Variants in EXT1 observed in about 807,000 individuals in gnomAD.
EXT1 encodes exostosin glycosyltransferase 1.
EXT1 carries 20 observed loss-of-function variants against 82.5 expected under a neutral mutation model. The ratio of observed to expected loss-of-function variants is 0.24; its 90% CI spans 0.17 to 0.35. The LOEUF (loss-of-function observed/expected upper bound fraction) is 0.35, where lower values mean the gene tolerates loss of function less well. EXT1 is among the 10% of genes least tolerant of loss of function. The pLI, the probability that EXT1 is intolerant of heterozygous loss-of-function variation, is 1.00. For synonymous variants in EXT1, 348 were observed against 350.8 expected, an observed-to-expected ratio of 0.99 and a Z score of 0.09; for missense variants, 757 against 936.5, an observed-to-expected ratio of 0.81 and a Z score of 2.50.
At chr8:118,041,736 C>T (rs1296246195) in intron 1 of EXT1, among the ~76,000 whole-genome samples, 2 of 144,004 alleles carry the variant, frequency 1.4e-5, no homozygotes, top group East Asian at 2.1e-4. Context: ...AAAGGGAGGT[C>T]AAGAGTTTGA....
At chr8:118,010,371 C>CA (rs56865464) in intron 1 of EXT1, among the ~76,000 whole-genome samples, 6,678 of 55,746 alleles carry the variant, frequency 0.12, 548 homozygotes, top group African/African-American at 0.24. Context: ...GACTCCGTCT[C>CA]AAAAAAAAAA....
intron 1 of EXT1, among the ~76,000 whole-genome samples, chr8:117,993,540 T>A (rs1815477161): frequency 6.6e-6 from 1 of 152,226 alleles, no homozygotes; most frequent in Non-Finnish European, 1.5e-5. Context: ...AAGTTTATCA[T>A]CTATTGTAGC....
At chr8:117,816,096 C>T (rs924281518) in intron 7 of EXT1, among the ~76,000 whole-genome samples, 3 of 151,940 alleles carry the variant, frequency 2.0e-5, no homozygotes, top group Admixed American at 6.6e-5. Context: ...ATTGAGTATC[C>T]ACAGTGCGCC....
chr8:118,075,572 T>C (rs186500228), intron 1 of EXT1, among the ~76,000 whole-genome samples: 2 of 152,310 alleles, frequency 1.3e-5, no homozygotes, highest in African/African-American at 4.8e-5. Context: ...GGTTTTTTTG[T>C]TTTATAGTTT....
chr8:118,006,683 A>G (rs1815782503), intron 1 of EXT1, among the ~76,000 whole-genome samples: 2 of 152,190 alleles, frequency 1.3e-5, no homozygotes, highest in South Asian at 2.1e-4. Context: ...AACTGTCTGA[A>G]TCTCATTTTT....
intron 1 of EXT1, among the ~76,000 whole-genome samples, chr8:118,025,051 G>A (rs991844853): frequency 4.3e-4 from 65 of 152,228 alleles, no homozygotes; most frequent in Admixed American, 1.6e-3. Flanking sequence ...AGGCACTGCA[G>A]ATAGTGGTTG....
At chr8:117,945,521 A>G (rs1814370511) in intron 1 of EXT1, among the ~76,000 whole-genome samples, 2 of 152,226 alleles carry the variant, frequency 1.3e-5, no homozygotes, top group Admixed American at 6.5e-5. Context: ...TTTATTTTTG[A>G]GATGGAGTCT....
intron 1 of EXT1, among the ~76,000 whole-genome samples, chr8:117,964,200 C>T (rs1814759797): frequency 6.6e-6 from 1 of 152,196 alleles, no homozygotes. Flanking sequence ...TCAGTCTAGA[C>T]AACCCTCCCA....
rs149330978 is a variant in EXT1 at position 117,957,610 on chromosome 8, A to C, written c.963-120409T>G. ...ACATAGAAGATCAGAGGGGTTTATA[A>C]AAAGGCAAACTCCTCAAGGTTCCCC... On this transcript the variant is annotated intron_variant, in intron 1 of 10. Coordinates refer to ENST00000378204, the MANE Select transcript of EXT1 (RefSeq NM_000127.3). Among the ~76,000 whole-genome samples the C allele has an allele frequency of 8.7e-4, 132 of 152,334 alleles. 2 individuals carry two copies. The East Asian group carries it at 0.02, about 24-fold the overall frequency.
intron 1 of EXT1, among the ~76,000 whole-genome samples, chr8:118,108,030 C>T (rs1013371772): frequency 5.3e-5 from 8 of 152,150 alleles, no homozygotes; most frequent in Non-Finnish European, 4.4e-5. Context: ...AAACATAAAC[C>T]AAAGTGTGGG....
chr8:117,822,314 T>C (rs1362755245), intron 5 of EXT1, 151 bp downstream of exon 5: 6 of 859,234 alleles, frequency 7.0e-6, no homozygotes, highest in Non-Finnish European at 7.3e-6. Context: ...TTTTTGAACT[T>C]GATATGTCAC....
At chr8:118,041,311 C>A (rs1380050630) in intron 1 of EXT1, among the ~76,000 whole-genome samples, 1 of 152,106 alleles carries the variant, frequency 6.6e-6, no homozygotes, top group Admixed American at 6.5e-5. Flanking sequence ...CTCCAACTCC[C>A]ATATACAACC....
intron 1 of EXT1, among the ~76,000 whole-genome samples, chr8:118,040,831 T>C (rs1816515300): frequency 6.6e-6 from 1 of 152,198 alleles, no homozygotes; most frequent in Admixed American, 6.5e-5. Flanking sequence ...CAGCAATTGT[T>C]CACGTCAGTT....
At chr8:117,991,867 A>G (rs1815442161) in intron 1 of EXT1, among the ~76,000 whole-genome samples, 2 of 152,130 alleles carry the variant, frequency 1.3e-5, no homozygotes, top group Admixed American at 6.6e-5. Context: ...TAGCCTCCAA[A>G]TATCTTTTTA....
At chr8:118,013,720 C>T (rs1381802626) in intron 1 of EXT1, among the ~76,000 whole-genome samples, 1 of 152,180 alleles carries the variant, frequency 6.6e-6, no homozygotes, top group Non-Finnish European at 1.5e-5. Flanking sequence ...ACCTGGTTAA[C>T]CTTGTATGTC....
chr8:117,970,597 G>C (rs1175131215), intron 1 of EXT1, among the ~76,000 whole-genome samples: 2 of 152,106 alleles, frequency 1.3e-5, no homozygotes, highest in Non-Finnish European at 2.9e-5. Context: ...GAGCCACCAT[G>C]CCCGGCCAGG....
intron 1 of EXT1, among the ~76,000 whole-genome samples, chr8:118,101,052 C>A (rs953932648): frequency 6.6e-6 from 1 of 152,156 alleles, no homozygotes; most frequent in African/African-American, 2.4e-5. Flanking sequence ...CTAAATGAAC[C>A]TCTGTTGTTG....
At chr8:117,906,804 T>C (rs974298408) in intron 1 of EXT1, among the ~76,000 whole-genome samples, 2 of 152,170 alleles carry the variant, frequency 1.3e-5, no homozygotes, top group African/African-American at 4.8e-5. Flanking sequence ...AGGAGAATGA[T>C]GGTGGCATGA....
chr8:118,050,649 C>A (rs928385607), intron 1 of EXT1, among the ~76,000 whole-genome samples: 7 of 152,100 alleles, frequency 4.6e-5, no homozygotes, highest in African/African-American at 1.2e-4. Context: ...TGGCTGTATT[C>A]CAATAAAACT....
Sources: gnomAD v4.1 joint callset for allele counts (sites outside exome capture counted in the v4.1 genomes callset) on GRCh38, gnomAD v4.1.1 for gene constraint, MANE v1.5 for transcripts, NCBI Gene and HGNC (gene_info 2026-07-23, HGNC 2026-07-21) for gene names.